PSD4: variants seen among roughly 807,000 people sequenced by gnomAD.
PSD4 encodes the protein PH and SEC7 domain-containing protein 4.
Under a neutral mutation model 112.5 loss-of-function variants are expected in PSD4, and 59 were observed. The ratio of observed to expected loss-of-function variants is 0.52; its 90% confidence interval spans 0.43 to 0.65. PSD4 has a LOEUF of 0.65. PSD4 is among the 30% of genes least tolerant of loss of function. The pLI is 0.00. For synonymous variants in PSD4, 533 were observed against 540.0 expected (o/e 0.99, Z 0.18); for missense variants, 1,267 against 1,352.6 (o/e 0.94, Z 0.99).
At chr2:113,184,660 C>T (rs978509071) in intron 2 of PSD4, among the ~76,000 whole-genome samples, 9 of 152,244 alleles carry the variant, frequency 5.9e-5, no homozygotes, top group South Asian at 2.1e-4. Flanking sequence ...TGAGCCACTG[C>T]GCCCGCCATG....
At position 113,199,192 on chromosome 2, in the gene PSD4, A is replaced by T. The variant is rs1350019753; in HGVS notation, c.2879A>T (p.Glu960Val). 1.3e-6 allele frequency: 2 copies of T among 1,519,318 alleles called. No homozygotes were observed. Among genetic ancestry groups the T allele is most frequent in the Admixed American group, 4.2e-5 (2 of 47,802 alleles). 94.1% of individuals were successfully genotyped at this position (1,519,318 alleles called of 1,614,324 possible). Reference sequence around the variant, plus strand: ...CGGGGCCGTGGCCGCGAGCTGGAGGAGCACCGCCTGCGGAAGGAGTACCTG... The same window carrying T: ...CGGGGCCGTGGCCGCGAGCTGGAGGTGCACCGCCTGCGGAAGGAGTACCTG... ...ERRGRGRELE[E>V]HRLRKEYLEY... The change falls in exon 16 of 17, where the codon GAG becomes GTG. Residue 960 changes from glutamate (E) to valine (V), a missense_variant. This residue lies in a region of PSD4 where 544 missense variants were observed against 648.6 expected (regional missense o/e 0.84). Transcript: ENST00000245796.
chr2:113,176,829 C>G (rs974276399), intron 1 of PSD4, among the ~76,000 whole-genome samples: 1 of 152,200 alleles, frequency 6.6e-6, no homozygotes, highest in South Asian at 2.1e-4. Flanking sequence ...TAGAGGGTGC[C>G]ATCCTACCTC....
rs1046960793 is a variant in PSD4 at position 113,185,775 on chromosome 2, G to A, written c.1250-102G>A. 3 of 1,550,974 alleles carry A rather than the reference G, an allele frequency of 1.9e-6. No homozygotes were observed. In the Admixed American group the frequency reaches 5.9e-5, roughly 30 times the overall value. On this transcript the variant is annotated intron_variant, in intron 4 of 16. Transcript: ENST00000245796. ...GAGGGAGGACAGGGCATGCTGCCAG[G>A]CTCCAGGGGAGGAGCCCCAGGGAGG...
intron 10 of PSD4, 79 bp downstream of exon 10, chr2:113,194,027 C>A: frequency 7.0e-7 from 1 of 1,431,436 alleles, no homozygotes; most frequent in Non-Finnish European, 9.6e-7. Context: ...AGATGCTGAG[C>A]TTGGGACTGG....
intron 5 of PSD4, 28 bp downstream of exon 5, chr2:113,186,283 G>T (rs773973975): frequency 1.3e-6 from 2 of 1,536,834 alleles, no homozygotes; most frequent in South Asian, 2.6e-5. Flanking sequence ...TGGCTCTCAT[G>T]CTCCTAATTA....
chr2:113,193,298 G>A lies in PSD4; in HGVS notation c.1960G>A (p.Glu654Lys). 6.3e-7 allele frequency: 1 copy of A among 1,596,280 alleles called. No homozygotes were observed. ...QALVLSGETQ[E>K]RERILYQFSR... Reference sequence around the variant, plus strand: ...CTTGGTGCTCAGTGGGGAGACTCAGGAACGGGAGCGAATCCTCTACCAGTT... The same window carrying A: ...CTTGGTGCTCAGTGGGGAGACTCAGAAACGGGAGCGAATCCTCTACCAGTT... The change falls in exon 8 of 17, where the codon GAA becomes AAA. Residue 654 changes from glutamate (E) to lysine (K), a missense_variant. By Grantham distance (56) the Glu-to-Lys change is moderately conservative. Coordinates refer to ENST00000245796, the MANE Select transcript of PSD4 (RefSeq NM_012455.3).
At position 113,182,824 on chromosome 2, in the gene PSD4, G is replaced by A; in HGVS notation, c.368G>A (p.Arg123Lys). ...CACCTGGGGAGCCCCTCTGCCCAGA[G>A]GGAGCACAGGCAGAACACAGCATCA... ...LTHLGSPSAQ[R>K]EHRQNTASPG... The change falls in exon 2 of 17, where the codon AGG (arginine) becomes AAG (lysine). Residue 123 changes from arginine to lysine, a missense_variant. By Grantham distance (26) the Arg-to-Lys change is conservative. Transcript: ENST00000245796. 1 of 1,612,334 alleles carries A rather than the reference G, an allele frequency of 6.2e-7. No homozygotes were observed.
intron 1 of PSD4, among the ~76,000 whole-genome samples, chr2:113,181,917 C>G (rs1688147188): frequency 6.6e-6 from 1 of 152,184 alleles, no homozygotes; most frequent in Non-Finnish European, 1.5e-5. Flanking sequence ...TCGTCTGTGT[C>G]TGTTTGGCTC....
intron 1 of PSD4, among the ~76,000 whole-genome samples, chr2:113,174,638 G>A (rs1179074704): frequency 1.3e-5 from 2 of 152,154 alleles, no homozygotes; most frequent in Non-Finnish European, 2.9e-5. Context: ...GGACCATCCT[G>A]GAGAAGCTCG....
chr2:113,188,017 C>T (rs1294191218), intron 5 of PSD4, among the ~76,000 whole-genome samples: 1 of 151,628 alleles, frequency 6.6e-6, no homozygotes, highest in Non-Finnish European at 1.5e-5. Flanking sequence ...AAATCGGGAA[C>T]CAAAAGAGAT....
At position 113,182,678 on chromosome 2, in the gene PSD4, C is replaced by A. The variant is rs867195555; in HGVS notation, c.222C>A (p.His74Gln). Residue 74 changes from histidine to glutamine, a missense_variant, in exon 2 of 17, where the codon CAC becomes CAA. This residue lies in a region of PSD4 where 723 missense variants were observed against 704.0 expected (regional missense o/e 1.03). Coordinates refer to ENST00000245796, the MANE Select transcript of PSD4 (RefSeq NM_012455.3). Reference sequence around the variant, plus strand: ...GGGGCTCCGGTGTGGAGCTCACACACCTGGGGAGCTGGGTCCATCAGGACG... The same window carrying A: ...GGGGCTCCGGTGTGGAGCTCACACAACTGGGGAGCTGGGTCCATCAGGACG... ...PPWGSGVELT[H>Q]LGSWVHQDGL... 1.2e-6 allele frequency: 2 copies of A among 1,612,436 alleles called. No individual in the cohort carries two copies. The highest frequency in any genetic ancestry group is 2.7e-5 in the African/African-American group (2 of 74,570).
intron 5 of PSD4, among the ~76,000 whole-genome samples, chr2:113,190,752 G>T (rs146405086): frequency 5.8e-4 from 88 of 152,300 alleles, no homozygotes; most frequent in African/African-American, 2.0e-3. Context: ...ACTGCACCCA[G>T]CCTGTTACTG....
intron 10 of PSD4, among the ~76,000 whole-genome samples, chr2:113,195,064 C>T (rs946511557): frequency 5.9e-5 from 9 of 152,184 alleles, no homozygotes; most frequent in African/African-American, 2.2e-4. Context: ...AGATCCCTCC[C>T]AGTAGAATGC....
intron 14 of PSD4, 134 bp downstream of exon 14, chr2:113,198,047 TAGAA>T: frequency 9.0e-7 from 1 of 1,113,492 alleles, no homozygotes; most frequent in Non-Finnish European, 1.2e-6. Flanking sequence ...CAGAAATTCT[TAGAA>T]AGCGGCAGCA....
At chr2:113,197,255 A>G in intron 12 of PSD4, 1 of 423,042 alleles carries the variant, frequency 2.4e-6, no homozygotes, top group Non-Finnish European at 4.4e-6. Context: ...GGTGTTTGCC[A>G]CTACTTGGGG....
chr2:113,201,439 TG>T lies in PSD4; in HGVS notation c.*25del, dbSNP rs764625715. On this transcript the variant is annotated 3_prime_UTR_variant, in exon 17 of 17. Transcript: ENST00000245796. ...GAAGCCAGCACCACCTCAGAGACAC[TG>T]TTCCCTGCTCCAGGGTAGACCTGAG... 2 of 1,610,900 alleles carry T rather than the reference TG, an allele frequency of 1.2e-6. No individual in the cohort carries two copies. The highest frequency in any genetic ancestry group is 2.7e-5 in the African/African-American group (2 of 75,022).
intron 1 of PSD4, among the ~76,000 whole-genome samples, chr2:113,175,634 G>A (rs1279051687): frequency 6.6e-6 from 1 of 152,190 alleles, no homozygotes; most frequent in Non-Finnish European, 1.5e-5. Flanking sequence ...TTCCATAGGA[G>A]GGAAAACATT....
chr2:113,199,375 C>A, intron 16 of PSD4, 149 bp downstream of exon 16: 2 of 1,039,794 alleles, frequency 1.9e-6, no homozygotes, highest in Non-Finnish European at 2.5e-6. Context: ...GCGCCGTCTG[C>A]AAAGGGGCGG....
chr2:113,192,166 A>G, intron 5 of PSD4, among the ~76,000 whole-genome samples: 1 of 151,908 alleles, frequency 6.6e-6, no homozygotes, highest in Non-Finnish European at 1.5e-5. Context: ...AGGACCCCAG[A>G]CCTGGAGACC....
Sources: gnomAD v4.1 joint callset for allele counts (sites outside exome capture counted in the v4.1 genomes callset) on GRCh38, gnomAD v4.1.1 for gene constraint, gnomAD v4.1.1 regional missense constraint, MANE v1.5 for transcripts, NCBI Gene and HGNC (gene_info 2026-07-23, HGNC 2026-07-21) for gene names.